The following THSD7B variants were observed in gnomAD, a reference collection of about 807,000 sequenced individuals.
THSD7B encodes the protein thrombospondin type-1 domain-containing protein 7B.
In THSD7B, 138 loss-of-function variants were observed where a neutral mutation model predicts 213.6. That is an observed-to-expected ratio of 0.65 (90% CI 0.56 to 0.74). The LOEUF (loss-of-function observed/expected upper bound fraction) is 0.74, where lower values mean the gene tolerates loss of function less well. THSD7B is among the 30% of genes least tolerant of loss of function. The pLI is 0.00. For missense variants in THSD7B, 1,931 were observed against 1,991.5 expected (o/e 0.97, Z 0.58); for synonymous variants, 742 against 687.0 (o/e 1.08, Z -1.25).
At chr2:137,326,272 A>G (rs1684372427) in intron 12 of THSD7B, among the ~76,000 whole-genome samples, 1 of 152,208 alleles carries the variant, frequency 6.6e-6, no homozygotes, top group Non-Finnish European at 1.5e-5. Flanking sequence ...TGAATAAATA[A>G]TGCATAAAAA....
At chr2:137,091,619 G>A (rs1573817502) in intron 3 of THSD7B, among the ~76,000 whole-genome samples, 2 of 152,036 alleles carry the variant, frequency 1.3e-5, no homozygotes, top group African/African-American at 4.8e-5. Context: ...TCTCTCCTTG[G>A]CTTGTAGATG....
At chr2:137,374,554 A>C (rs1244510112) in intron 12 of THSD7B, among the ~76,000 whole-genome samples, 1 of 152,182 alleles carries the variant, frequency 6.6e-6, no homozygotes, top group East Asian at 1.9e-4. Flanking sequence ...AATGCCTTCT[A>C]AGTGATGTAT....
At chr2:136,938,675 T>C (rs1368810959) in intron 2 of THSD7B, among the ~76,000 whole-genome samples, 1 of 152,222 alleles carries the variant, frequency 6.6e-6, no homozygotes, top group Non-Finnish European at 1.5e-5. Flanking sequence ...TTGAGGCACA[T>C]TTTCCCTTTT....
intron 5 of THSD7B, among the ~76,000 whole-genome samples, chr2:137,157,864 A>G (rs1410152210): frequency 1.3e-5 from 2 of 152,228 alleles, no homozygotes; most frequent in African/African-American, 4.8e-5. Flanking sequence ...ATGCTTATTA[A>G]ACATCAGCTT....
chr2:137,469,402 TA>T (rs1688051298), intron 15 of THSD7B, among the ~76,000 whole-genome samples: 1 of 152,222 alleles, frequency 6.6e-6, no homozygotes, highest in African/African-American at 2.4e-5. Flanking sequence ...TAATGCACAT[TA>T]TTCAGAACAT....
chr2:136,792,638 A>C (rs1437710701), intron 1 of THSD7B, among the ~76,000 whole-genome samples: 1 of 151,892 alleles, frequency 6.6e-6, no homozygotes, highest in East Asian at 1.9e-4. Flanking sequence ...ACTCTGTATT[A>C]ATTCTACTGT....
intron 15 of THSD7B, among the ~76,000 whole-genome samples, chr2:137,521,745 C>T (rs1427949977): frequency 6.6e-6 from 1 of 152,206 alleles, no homozygotes; most frequent in Non-Finnish European, 1.5e-5. Flanking sequence ...ACTTCTCTGA[C>T]AATCTGTCTC....
At chr2:137,496,022 G>T (rs142015294) in intron 15 of THSD7B, among the ~76,000 whole-genome samples, 7 of 151,890 alleles carry the variant, frequency 4.6e-5, no homozygotes, top group Non-Finnish European at 1.5e-5. Context: ...AATTATTGGG[G>T]TATCTGTTTT....
chr2:137,496,208 C>A (rs894008613), intron 15 of THSD7B, among the ~76,000 whole-genome samples: 1 of 151,990 alleles, frequency 6.6e-6, no homozygotes, highest in Non-Finnish European at 1.5e-5. Context: ...GTTAATGAGC[C>A]CTCTCATTTT....
chr2:137,361,721 T>A (rs1265516376), intron 12 of THSD7B, among the ~76,000 whole-genome samples: 1 of 152,044 alleles, frequency 6.6e-6, no homozygotes, highest in African/African-American at 2.4e-5. Flanking sequence ...CTCCAAGAAA[T>A]ATGAGACTAC....
Position 137,548,196 on chromosome 2 carries a change from C to T in THSD7B, c.3139-15025C>T, listed in dbSNP as rs957841618. On this transcript the variant is annotated intron_variant, in intron 15 of 27. Coordinates refer to ENST00000409968, the MANE Select transcript of THSD7B (RefSeq NM_001316349.2). ...TCGAGGGCACTTGGGAGGCTGCTGC[C>T]TTGTCTTTTTCCTCACAACGATGTT... Among the ~76,000 whole-genome samples the T allele has an allele frequency of 2.6e-5, 4 of 152,130 alleles. No individual in the cohort carries two copies. In the East Asian group the frequency reaches 5.8e-4, roughly 22 times the overall value.
intron 2 of THSD7B, among the ~76,000 whole-genome samples, chr2:136,909,559 A>G (rs1684223929): frequency 6.6e-6 from 1 of 152,194 alleles, no homozygotes; most frequent in Non-Finnish European, 1.5e-5. Context: ...GCAGAGAGGA[A>G]TGAATGCATG....
At chr2:136,916,857 T>C (rs59679165) in intron 2 of THSD7B, among the ~76,000 whole-genome samples, 11,278 of 152,232 alleles carry the variant, frequency 0.074, 671 homozygotes, top group African/African-American at 0.16. Context: ...ATCCTGATAC[T>C]GGTTGCCATG....
intron 12 of THSD7B, among the ~76,000 whole-genome samples, chr2:137,362,330 G>A (rs962057003): frequency 6.6e-6 from 1 of 152,100 alleles, no homozygotes; most frequent in Non-Finnish European, 1.5e-5. Flanking sequence ...ATCAACTAAT[G>A]AGCAAAATAA....
intron 4 of THSD7B, among the ~76,000 whole-genome samples, chr2:137,095,867 A>G (rs953076079): frequency 1.3e-5 from 2 of 151,940 alleles, no homozygotes. Flanking sequence ...GCTACTATAT[A>G]TATTTTTTAT....
intron 14 of THSD7B, among the ~76,000 whole-genome samples, chr2:137,439,677 A>G (rs2105051631): frequency 6.6e-6 from 1 of 152,278 alleles, no homozygotes; most frequent in South Asian, 2.1e-4. Context: ...AAAGGATTTT[A>G]TGGTAACTTG....
At chr2:137,368,013 C>A (rs535937769) in intron 12 of THSD7B, among the ~76,000 whole-genome samples, 1 of 148,856 alleles carries the variant, frequency 6.7e-6, no homozygotes, top group South Asian at 2.2e-4. Flanking sequence ...GTCTGTCTTT[C>A]TGAAAATGTC....
intron 10 of THSD7B, among the ~76,000 whole-genome samples, chr2:137,249,298 G>A (rs969219994): frequency 1.7e-4 from 26 of 150,922 alleles, no homozygotes; most frequent in African/African-American, 4.4e-4. Flanking sequence ...TTAAAACCCC[G>A]CATAAGAAGT....
At chr2:137,660,997 C>T (rs1683333776) in intron 25 of THSD7B, among the ~76,000 whole-genome samples, 1 of 152,018 alleles carries the variant, frequency 6.6e-6, no homozygotes, top group Non-Finnish European at 1.5e-5. Flanking sequence ...TAATTGATGA[C>T]CTAAATAAAG....
Sources: gnomAD v4.1 joint callset for allele counts (sites outside exome capture counted in the v4.1 genomes callset) on GRCh38, gnomAD v4.1.1 for gene constraint, MANE v1.5 for transcripts, NCBI Gene and HGNC (gene_info 2026-07-23, HGNC 2026-07-21) for gene names.